CCDC66: variants seen among roughly 807,000 people sequenced by gnomAD.
The protein encoded by CCDC66 is coiled-coil domain-containing protein 66.
CCDC66 carries 133 observed loss-of-function variants against 128.3 expected under a neutral mutation model. That is an observed-to-expected ratio of 1.04 (90% confidence interval 0.90 to 1.20). The LOEUF (loss-of-function observed/expected upper bound fraction) is 1.20, where lower values mean the gene tolerates loss of function less well. Among genes scored for constraint, CCDC66 ranks in the 50% most tolerant of loss-of-function variants. CCDC66 has a pLI of 0.00. For missense variants in CCDC66, 1,126 were observed against 1,075.5 expected, an observed-to-expected ratio of 1.05 and a Z score of -0.66; for synonymous variants, 387 against 357.0, an observed-to-expected ratio of 1.08 and a Z score of -0.95.
At position 56,593,263 on chromosome 3, in the gene CCDC66, G is replaced by A. The variant is rs1014983306; in HGVS notation, c.1068+162G>A. ...TTCATTGAATGCATTATGTGATGTTGCATAGCTTCTTACAACTTTTTAGAA... is the reference window on the plus strand; with the variant it reads ...TTCATTGAATGCATTATGTGATGTTACATAGCTTCTTACAACTTTTTAGAA... On this transcript the variant is annotated intron_variant, in intron 8 of 17. Coordinates refer to ENST00000394672, the MANE Select transcript of CCDC66 (RefSeq NM_001141947.3). 5.9e-5 allele frequency among the ~76,000 whole-genome samples: 9 copies of A among 152,236 alleles called. 1 individual carries two copies. Among genetic ancestry groups the A allele is most frequent in the Admixed American group, 1.3e-4 (2 of 15,284 alleles).
chr3:56,598,398 G>A (rs898187844), intron 10 of CCDC66, among the ~76,000 whole-genome samples: 2 of 150,724 alleles, frequency 1.3e-5, no homozygotes, highest in Non-Finnish European at 3.0e-5. Flanking sequence ...TTCTAATTTA[G>A]GTGCCTTTTA....
At chr3:56,615,406 C>T in intron 12 of CCDC66, 134 bp downstream of exon 12, 1 of 801,374 alleles carries the variant, frequency 1.2e-6, no homozygotes, top group Non-Finnish European at 1.9e-6. Context: ...TCACAGCTCA[C>T]TGCAACCTCA....
At chr3:56,561,829 T>G (rs1322691076) in intron 3 of CCDC66, among the ~76,000 whole-genome samples, 1 of 152,198 alleles carries the variant, frequency 6.6e-6, no homozygotes, top group African/African-American at 2.4e-5. Flanking sequence ...CATAGTGCTT[T>G]TCTTTATTCC....
At chr3:56,573,559 A>G (rs1227445709) in intron 7 of CCDC66, among the ~76,000 whole-genome samples, 2 of 152,240 alleles carry the variant, frequency 1.3e-5, no homozygotes, top group South Asian at 2.1e-4. Flanking sequence ...CATGGGTCCC[A>G]TGTACAAAAA....
intron 10 of CCDC66, among the ~76,000 whole-genome samples, chr3:56,597,666 C>G (rs2107042205): frequency 1.3e-5 from 2 of 151,440 alleles, no homozygotes; most frequent in East Asian, 3.9e-4. Context: ...TATTTCTCAG[C>G]TAGTGTATAG....
chr3:56,584,793 C>G (rs965102188), intron 7 of CCDC66, among the ~76,000 whole-genome samples: 5 of 151,940 alleles, frequency 3.3e-5, no homozygotes, highest in African/African-American at 1.2e-4. Context: ...GCACTCCAGC[C>G]TGGGCAACAT....
chr3:56,612,282 G>A (rs1398465904), intron 10 of CCDC66, among the ~76,000 whole-genome samples: 1 of 151,978 alleles, frequency 6.6e-6, no homozygotes, highest in South Asian at 2.1e-4. Flanking sequence ...TTTTTTGGCC[G>A]AAAACAGTAT....
In CCDC66 at chr3:56,593,739, AAAGT is replaced by A. The variant is rs761792404; in HGVS notation, c.1319+3_1319+6del. 4.3e-6 allele frequency: 7 copies of A among 1,610,384 alleles called. No individual in the cohort carries two copies. The highest frequency in any genetic ancestry group is 4.0e-5 in the African/African-American group (3 of 74,878). On this transcript the variant is annotated splice_donor_variant and coding_sequence_variant, in exon 9 of 18. Transcript: ENST00000394672. LOFTEE classifies it high-confidence loss of function. ...TGGTTATGGCAAACAGTAAGAAAAC[AAAGT>A]AAGTTCATGCTTATGTATTTATTGA...
intron 7 of CCDC66, among the ~76,000 whole-genome samples, chr3:56,591,298 G>C (rs1351113978): frequency 1.3e-5 from 2 of 152,096 alleles, no homozygotes. Context: ...AATTTTTAAG[G>C]GTAATTTTAA....
intron 7 of CCDC66, among the ~76,000 whole-genome samples, chr3:56,576,121 A>G (rs1177299411): frequency 6.6e-6 from 1 of 151,582 alleles, no homozygotes; most frequent in Non-Finnish European, 1.5e-5. Context: ...TGCTTTGGGT[A>G]ATATTAATAT....
intron 3 of CCDC66, among the ~76,000 whole-genome samples, chr3:56,561,569 G>C (rs778044411): frequency 6.6e-6 from 1 of 152,014 alleles, no homozygotes; most frequent in Non-Finnish European, 1.5e-5. Context: ...CATTGCATTT[G>C]GGACTTCAAA....
At chr3:56,605,665 G>T (rs1037170880) in intron 10 of CCDC66, among the ~76,000 whole-genome samples, 12 of 152,020 alleles carry the variant, frequency 7.9e-5, no homozygotes, top group Admixed American at 7.9e-4. Context: ...AGGGGCACCC[G>T]TCACATGCCA....
chr3:56,584,187 C>A (rs1232830908), intron 7 of CCDC66, among the ~76,000 whole-genome samples: 2 of 147,280 alleles, frequency 1.4e-5, no homozygotes, highest in African/African-American at 2.5e-5. Flanking sequence ...GGGCGGCTGC[C>A]GGGCGGAGAC....
intron 4 of CCDC66, among the ~76,000 whole-genome samples, chr3:56,564,406 A>G: frequency 6.6e-6 from 1 of 152,198 alleles, no homozygotes; most frequent in South Asian, 2.1e-4. Flanking sequence ...TTATTTTAGA[A>G]TATAGGAGGC....
At chr3:56,586,642 A>T (rs1232404853) in intron 7 of CCDC66, among the ~76,000 whole-genome samples, 6 of 151,958 alleles carry the variant, frequency 3.9e-5, no homozygotes, top group Admixed American at 6.6e-5. Context: ...ATAGCAAGAT[A>T]ACAAGAATCA....
chr3:56,594,123 C>A, intron 10 of CCDC66, 95 bp downstream of exon 10: 2 of 1,114,366 alleles, frequency 1.8e-6, no homozygotes, highest in Non-Finnish European at 2.7e-6. Context: ...CTGATGTAAA[C>A]TTTACAGCAT....
At chr3:56,600,529 G>T (rs6798118) in intron 10 of CCDC66, among the ~76,000 whole-genome samples, 1 of 151,772 alleles carries the variant, frequency 6.6e-6, no homozygotes, top group Non-Finnish European at 1.5e-5. Context: ...TGGTAGTTCT[G>T]GTTCTGGATC....
intron 14 of CCDC66, 75 bp from the exon 15 acceptor site, chr3:56,618,097 T>C: frequency 8.9e-7 from 1 of 1,117,858 alleles, no homozygotes; most frequent in South Asian, 1.2e-5. Context: ...TTTCAACAAG[T>C]AGCCCTAAAA....
Position 56,621,549 on chromosome 3 carries a change from A to G in CCDC66, c.2778A>G (p.Gln926=), listed in dbSNP as rs752922575. ...SELRQGLLQK[Q]KELESSLLPL... is the part of the protein sequence containing the mutation. ...GATTTCAGGGCCTTCTCCAGAAGCA[A>G]AAGGAGTTGGAAAGTAGTCTCCTGC... Residue 926 remains glutamine (Q), a synonymous_variant, in exon 18 of 18, where the codon CAA becomes CAG. Coordinates refer to ENST00000394672, the MANE Select transcript of CCDC66 (RefSeq NM_001141947.3). 3 of 1,597,100 alleles carry G rather than the reference A, an allele frequency of 1.9e-6. No homozygotes were observed. Among genetic ancestry groups the G allele is most frequent in the Non-Finnish European group, 2.6e-6 (3 of 1,172,338 alleles).
Sources: gnomAD v4.1 joint callset for allele counts (sites outside exome capture counted in the v4.1 genomes callset) on GRCh38, gnomAD v4.1.1 for gene constraint, MANE v1.5 for transcripts, NCBI Gene and HGNC (gene_info 2026-07-23, HGNC 2026-07-21) for gene names.